Variants in CYTH3 observed in about 807,000 individuals in gnomAD.
CYTH3 encodes the protein cytohesin-3.
CYTH3 carries 23 observed loss-of-function variants against 55.1 expected under a neutral mutation model. The ratio of observed to expected loss-of-function variants is 0.42; its 90% CI spans 0.30 to 0.59. The LOEUF (loss-of-function observed/expected upper bound fraction) is 0.59, where lower values mean the gene tolerates loss of function less well. CYTH3 is among the 20% of genes least tolerant of loss of function. The pLI, the probability that CYTH3 is intolerant of heterozygous loss-of-function variation, is 0.20. For synonymous variants in CYTH3, 249 were observed against 194.9 expected (o/e 1.28, Z -2.31); for missense variants, 413 against 524.8 (o/e 0.79, Z 2.08).
Position 6,165,349 on chromosome 7 carries a change from C to A in CYTH3, c.1051G>T (p.Val351Leu). The A allele has an allele frequency of 6.2e-7, 1 of 1,614,176 alleles. No individual in the cohort carries two copies. Among genetic ancestry groups the A allele is most frequent in the Non-Finnish European group, 8.5e-7 (1 of 1,180,030 alleles). Residue 351 changes from valine (V) to leucine (L), a missense_variant, in exon 12 of 13, where the codon GTA becomes TTA. Coordinates refer to ENST00000350796, the MANE Select transcript of CYTH3 (RefSeq NM_004227.4). ...ACKTEADGRV[V>L]EGNHVVYRIS... ...CGGTACACCACATGGTTCCCCTCTA[C>A]CACGCGGCCGTCGGCCTCAGTCTTA...
rs1340264489 is a variant in CYTH3 at position 6,162,229 on chromosome 7, C to G, written c.*2715G>C. ...CCAAAGACACAAAGTTGCTGCTTAT[C>G]TGGGTCCAGGGTCAGTACAATTAAA... On this transcript the variant is annotated 3_prime_UTR_variant, in exon 13 of 13. Transcript: ENST00000350796. The G allele has an allele frequency of 6.6e-6, 1 of 152,408 alleles. No homozygotes were observed. Among genetic ancestry groups the G allele is most frequent in the Non-Finnish European group, 1.5e-5 (1 of 68,040 alleles). 9.4% of individuals were successfully genotyped at this position (152,408 alleles called of 1,614,324 possible).
intron 1 of CYTH3, among the ~76,000 whole-genome samples, chr7:6,261,572 T>C (rs1366741520): frequency 6.6e-6 from 1 of 150,708 alleles, no homozygotes. Context: ...AATAATTAGC[T>C]GGGCATGGTG....
At chr7:6,259,774 ATATATATATAATATATATATATAT>A (rs1562417578) in intron 1 of CYTH3, among the ~76,000 whole-genome samples, 2 of 22,710 alleles carry the variant, frequency 8.8e-5, no homozygotes, top group Admixed American at 7.8e-4. Context: ...TATATATATT[ATATATATATAATATATATATATAT>A]ATATATATAT....
intron 6 of CYTH3, chr7:6,172,795 G>A: frequency 7.8e-7 from 1 of 1,280,738 alleles, no homozygotes; most frequent in South Asian, 1.2e-5. Context: ...CTGAACTGCG[G>A]CTGCAGGATT....
intron 1 of CYTH3, among the ~76,000 whole-genome samples, chr7:6,216,762 T>C (rs1784435815): frequency 6.7e-6 from 1 of 148,868 alleles, no homozygotes; most frequent in South Asian, 2.1e-4. Flanking sequence ...TGTATGTGTA[T>C]ATACACACAT....
At chr7:6,190,725 T>C (rs974083468) in intron 1 of CYTH3, among the ~76,000 whole-genome samples, 194 bp from the exon 2 acceptor site, 19 of 152,110 alleles carry the variant, frequency 1.2e-4, no homozygotes, top group African/African-American at 2.9e-4. Flanking sequence ...TAAATATTCA[T>C]CAGTAAGAAC....
rs193038941 is a variant in CYTH3 at position 6,200,048 on chromosome 7, G to T, written c.35-9517C>A. Among the ~76,000 whole-genome samples the T allele has an allele frequency of 2.0e-4, 31 of 152,284 alleles. No individual in the cohort carries two copies. In the East Asian group the frequency reaches 5.0e-3, roughly 25 times the overall value. On this transcript the variant is annotated intron_variant, in intron 1 of 12. Coordinates refer to ENST00000350796, the MANE Select transcript of CYTH3 (RefSeq NM_004227.4). ...AATAAAATCTAAGAGCCCATCAATT[G>T]TAAGATGTATGCTTAATTTCAGGCA...
intron 1 of CYTH3, among the ~76,000 whole-genome samples, chr7:6,232,388 T>G (rs1449747938): frequency 6.6e-6 from 1 of 152,122 alleles, no homozygotes; most frequent in Non-Finnish European, 1.5e-5. Flanking sequence ...TATTCTCCAT[T>G]TATTCTTCTC....
intron 1 of CYTH3, among the ~76,000 whole-genome samples, chr7:6,260,404 A>G (rs1415610696): frequency 6.6e-6 from 1 of 152,154 alleles, no homozygotes; most frequent in Non-Finnish European, 1.5e-5. Context: ...ATTTCACTGC[A>G]AAACAAACAT....
chr7:6,245,388 T>A (rs900824704), intron 1 of CYTH3, among the ~76,000 whole-genome samples: 2 of 152,138 alleles, frequency 1.3e-5, no homozygotes, highest in African/African-American at 2.4e-5. Flanking sequence ...GCCCCACAAA[T>A]TCTGGCTCCT....
chr7:6,199,457 G>C (rs777421404), intron 1 of CYTH3, among the ~76,000 whole-genome samples: 4 of 152,000 alleles, frequency 2.6e-5, no homozygotes, highest in Admixed American at 6.6e-5. Context: ...AGGCTGGCCT[G>C]GGCAACATAG....
chr7:6,247,510 A>G (rs989505487), intron 1 of CYTH3, among the ~76,000 whole-genome samples: 39 of 152,186 alleles, frequency 2.6e-4, no homozygotes, highest in African/African-American at 8.9e-4. Context: ...TACGAACAAC[A>G]TTTATTCAGA....
chr7:6,253,715 T>C (rs908807542), intron 1 of CYTH3, among the ~76,000 whole-genome samples: 1 of 150,264 alleles, frequency 6.7e-6, no homozygotes, highest in Non-Finnish European at 1.5e-5. Flanking sequence ...ACTGGGGAGG[T>C]TGAGGCAGGA....
chr7:6,183,100 T>G (rs1425834389), intron 4 of CYTH3, among the ~76,000 whole-genome samples: 10 of 152,252 alleles, frequency 6.6e-5, no homozygotes, highest in Admixed American at 6.5e-5. Context: ...CTGCCTGTTT[T>G]CACGGACTAA....
intron 1 of CYTH3, among the ~76,000 whole-genome samples, chr7:6,237,237 G>T (rs1779546938): frequency 6.6e-6 from 1 of 152,220 alleles, no homozygotes; most frequent in African/African-American, 2.4e-5. Flanking sequence ...GGAGGTACAA[G>T]TGCAACAACA....
intron 1 of CYTH3, among the ~76,000 whole-genome samples, chr7:6,269,608 CG>C (rs1263201274): frequency 3.3e-5 from 5 of 151,482 alleles, no homozygotes; most frequent in African/African-American, 1.2e-4. Flanking sequence ...GAACTGTTCT[CG>C]AAAAACTGAA....
At chr7:6,173,938 T>G (rs1783267809) in intron 5 of CYTH3, among the ~76,000 whole-genome samples, 1 of 152,086 alleles carries the variant, frequency 6.6e-6, no homozygotes, top group African/African-American at 2.4e-5. Context: ...CAAGTGGTCC[T>G]CCCACACCTC....
intron 4 of CYTH3, among the ~76,000 whole-genome samples, chr7:6,185,494 A>G (rs1213925062): frequency 6.6e-6 from 1 of 152,100 alleles, no homozygotes; most frequent in Non-Finnish European, 1.5e-5. Context: ...CAGGAGATCG[A>G]GACCATCCTA....
At chr7:6,241,178 C>T (rs959802891) in intron 1 of CYTH3, among the ~76,000 whole-genome samples, 1 of 151,624 alleles carries the variant, frequency 6.6e-6, no homozygotes, top group Non-Finnish European at 1.5e-5. Context: ...TTCTGCACGA[C>T]AAAAACAAAA....
Sources: gnomAD v4.1 joint callset for allele counts (sites outside exome capture counted in the v4.1 genomes callset) on GRCh38, gnomAD v4.1.1 for gene constraint, MANE v1.5 for transcripts, NCBI Gene and HGNC (gene_info 2026-07-23, HGNC 2026-07-21) for gene names.